PPP6R1: variants seen among roughly 807,000 people sequenced by gnomAD.
The protein encoded by PPP6R1 is serine/threonine-protein phosphatase 6 regulatory subunit 1.
A neutral mutation model predicts 104.6 loss-of-function variants in PPP6R1; 39 were observed. The ratio of observed to expected loss-of-function variants is 0.37; its 90% CI spans 0.29 to 0.49. PPP6R1 has a LOEUF of 0.49. Ranked by LOEUF, PPP6R1 falls within the 20% of genes least tolerant of loss-of-function variation. The pLI, the probability that PPP6R1 is intolerant of heterozygous loss-of-function variation, is 0.98. For synonymous variants in PPP6R1, 549 were observed against 479.0 expected, an observed-to-expected ratio of 1.15 and a Z score of -1.91; for missense variants, 1,181 against 1,155.8, an observed-to-expected ratio of 1.02 and a Z score of -0.32.
rs1452882413 is a variant in PPP6R1, at chr19:55,241,173, G to GA, written c.1161+65dup. ...CAGCCGAGCCCCCACCCCAGCCCCC[G>GA]AACCCTCAGCCCAGTCCAGTCCCCG... On this transcript the variant is annotated intron_variant, in intron 9 of 23. Transcript: ENST00000412770. The surrounding 1 kb of genome is among the most constrained non-coding windows in gnomAD (Gnocchi z 5.4). 1 of 230,086 alleles carries GA rather than the reference G, an allele frequency of 4.3e-6. No individual in the cohort carries two copies. Among genetic ancestry groups the GA allele is most frequent in the African/African-American group, 1.3e-4 (1 of 7,530 alleles). 14.3% of individuals were successfully genotyped at this position (230,086 alleles called of 1,614,324 possible).
rs2087324935 is a variant in PPP6R1, at chr19:55,230,023, C to T, written c.*505G>A. 1 of 155,830 alleles carries T rather than the reference C, an allele frequency of 6.4e-6. No individual in the cohort carries two copies. The highest frequency in any genetic ancestry group is 2.4e-5 in the African/African-American group (1 of 41,480). 9.7% of individuals were successfully genotyped at this position (155,830 alleles called of 1,614,324 possible). On this transcript the variant is annotated 3_prime_UTR_variant, in exon 24 of 24. Transcript: ENST00000412770. The stretch of plus-strand genomic sequence containing the variant: ...AGGCACGGCCCCCACTCGGGACCCT[C>T]TGGCACCCCCACCCACGCTGGGCCG...
chr19:55,235,336 C>T (rs1600105254), intron 17 of PPP6R1, among the ~76,000 whole-genome samples: 3 of 152,196 alleles, frequency 2.0e-5, no homozygotes, highest in East Asian at 3.9e-4. Flanking sequence ...ATCTTACCCC[C>T]CTTTCTAGGA....
At chr19:55,228,717 T>C (rs780706406), downstream of PPP6R1, 4 of 1,613,066 alleles carry the variant, frequency 2.5e-6, no homozygotes, top group African/African-American at 5.3e-5. Flanking sequence ...GTCTTCAGGG[T>C]CTGCCCCGCT....
chr19:55,246,811 G>A, intron 2 of PPP6R1, 66 bp downstream of exon 2: 2 of 1,358,786 alleles, frequency 1.5e-6, no homozygotes, highest in Non-Finnish European at 2.0e-6. Context: ...GTAGCTGTGA[G>A]GCTTGCGTAG....
chr19:55,246,054 C>A lies in PPP6R1; in HGVS notation c.228-376G>T, dbSNP rs150410544. Among the ~76,000 whole-genome samples, 1,285 of 152,320 alleles carry A rather than the reference C, an allele frequency of 8.4e-3. 17 individuals are homozygous for A. The highest frequency in any genetic ancestry group is 0.027 in the African/African-American group (1,133 of 41,558). On this transcript the variant is annotated intron_variant, in intron 2 of 23. Coordinates refer to ENST00000412770, the MANE Select transcript of PPP6R1 (RefSeq NM_014931.4). Reference sequence around the variant, plus strand: ...TCCTGGAACCTTGCTCAACTTCCAACCTCACCTCCTGCCTCCCTCCTCCAA... The same window carrying A: ...TCCTGGAACCTTGCTCAACTTCCAAACTCACCTCCTGCCTCCCTCCTCCAA...
chr19:55,257,967 C>T (rs999622017), intron 1 of PPP6R1, among the ~76,000 whole-genome samples: 2 of 152,244 alleles, frequency 1.3e-5, no homozygotes, highest in African/African-American at 4.8e-5. Flanking sequence ...AAAACAAGCC[C>T]CGCTCCTCCA....
chr19:55,229,680 G>A (rs553892664), downstream of PPP6R1: 3 of 152,290 alleles, frequency 2.0e-5, no homozygotes, highest in African/African-American at 7.2e-5. Context: ...AGGACAGTGT[G>A]GGGGCAGACT....
At chr19:55,255,188 G>C (rs1467928732) in intron 1 of PPP6R1, among the ~76,000 whole-genome samples, 1 of 152,220 alleles carries the variant, frequency 6.6e-6, no homozygotes. Flanking sequence ...TCCAACCCCA[G>C]AGGATGGAAT....
chr19:55,231,302 G>T, intron 21 of PPP6R1, 108 bp downstream of exon 21: 1 of 1,336,976 alleles, frequency 7.5e-7, no homozygotes, highest in Non-Finnish European at 1.0e-6. Flanking sequence ...TGGGGGTCCT[G>T]CAAAGGAGGC....
intron 15 of PPP6R1, among the ~76,000 whole-genome samples, chr19:55,237,568 G>A (rs1333174119): frequency 2.0e-5 from 3 of 152,166 alleles, no homozygotes; most frequent in Non-Finnish European, 4.4e-5. Flanking sequence ...CAGTTCAAGG[G>A]ATCATTTGTC....
Position 55,246,507 on chromosome 19 carries a change from C to CA in PPP6R1, c.227+369dup, listed in dbSNP as rs1402370882. 5.3e-5 allele frequency among the ~76,000 whole-genome samples: 8 copies of CA among 150,858 alleles called. No individual in the cohort carries two copies. In the East Asian group the frequency reaches 1.6e-3, roughly 29 times the overall value. On this transcript the variant is annotated intron_variant, in intron 2 of 23. Transcript: ENST00000412770. ...AGCAGACAAGTGTTTCACAAACATA[C>CA]AAAAAAAGTTTAATAAAAAGTAAAT...
At position 55,241,230 on chromosome 19, in the gene PPP6R1, T is replaced by C. The variant is rs1444268667; in HGVS notation, c.1161+9A>G. On this transcript the variant is annotated intron_variant, in intron 9 of 23. Coordinates refer to ENST00000412770, the MANE Select transcript of PPP6R1 (RefSeq NM_014931.4). The surrounding 1 kb of genome is among the most constrained non-coding windows in gnomAD (Gnocchi z 5.4). ...CCCCTGAACCCCCAGCCCGGTCCAG[T>C]CCCCGCACCAGCATGGTGTTGGGCA... 1 of 1,538,772 alleles carries C rather than the reference T, an allele frequency of 6.5e-7. No homozygotes were observed. Among genetic ancestry groups the C allele is most frequent in the South Asian group, 1.2e-5 (1 of 85,372 alleles).
chr19:55,254,398 G>C (rs539756091), intron 1 of PPP6R1, among the ~76,000 whole-genome samples: 85 of 152,306 alleles, frequency 5.6e-4, no homozygotes, highest in Non-Finnish European at 1.1e-3. Context: ...TGACTTAGCT[G>C]TGGTGTTTTA....
rs1280205076 is a variant in PPP6R1, at chr19:55,258,955, C to G, written c.-527G>C. The G allele has an allele frequency of 6.6e-6, 1 of 152,212 alleles. No homozygotes were observed. The highest frequency in any genetic ancestry group is 2.4e-5 in the African/African-American group (1 of 41,458). The allele number at this position is 152,212 out of a possible 1,614,324, so 9.4% of individuals were successfully genotyped here. On this transcript the variant is annotated 5_prime_UTR_variant, in exon 1 of 24. Coordinates refer to ENST00000412770, the MANE Select transcript of PPP6R1 (RefSeq NM_014931.4). ...CCCTTCCCCAAAGCCGCTCAATCTC[C>G]GGGCTCTGCGGCCGGCCTCAGGGCC...
At chr19:55,242,824 T>C (rs1226995327) in intron 5 of PPP6R1, among the ~76,000 whole-genome samples, 1 of 152,132 alleles carries the variant, frequency 6.6e-6, no homozygotes, top group African/African-American at 2.4e-5. Context: ...AGGAGAGTGC[T>C]AATCAGCCAG....
rs114363552 is a variant in PPP6R1, at chr19:55,257,954, G to A, written c.-7+481C>T. Among the ~76,000 whole-genome samples the A allele has an allele frequency of 6.0e-3, 913 of 152,362 alleles. 5 individuals carry two copies. Among genetic ancestry groups the A allele is most frequent in the African/African-American group, 0.021 (880 of 41,580 alleles). On this transcript the variant is annotated intron_variant, in intron 1 of 23. Coordinates refer to ENST00000412770, the MANE Select transcript of PPP6R1 (RefSeq NM_014931.4). ...CGGAGGCGGGAGAGGGTCGGTCAAGGTGAAAACAAGCCCCGCTCCTCCAGT... is the reference window on the plus strand; with the variant it reads ...CGGAGGCGGGAGAGGGTCGGTCAAGATGAAAACAAGCCCCGCTCCTCCAGT...
At chr19:55,231,111 CTCGA>C (rs1379942120) in intron 21 of PPP6R1, among the ~76,000 whole-genome samples, 2 of 152,152 alleles carry the variant, frequency 1.3e-5, no homozygotes, top group Non-Finnish European at 1.5e-5. Flanking sequence ...GGAGGAGGTA[CTCGA>C]GGCCGGCTGA....
At chr19:55,255,032 G>C (rs73053113) in intron 1 of PPP6R1, among the ~76,000 whole-genome samples, 15,573 of 152,244 alleles carry the variant, frequency 0.1, 1,004 homozygotes, top group African/African-American at 0.18. Flanking sequence ...AGAAGGGGGA[G>C]CGGCCCAAGG....
intron 5 of PPP6R1, among the ~76,000 whole-genome samples, chr19:55,243,264 T>C (rs2122642616): frequency 6.6e-6 from 1 of 151,760 alleles, no homozygotes; most frequent in African/African-American, 2.4e-5. Context: ...AATAAAAAAA[T>C]TAGCCAGGCG....
Sources: gnomAD v4.1 joint callset for allele counts (sites outside exome capture counted in the v4.1 genomes callset) on GRCh38, gnomAD v4.1.1 for gene constraint, Gnocchi (gnomAD v3.1) non-coding constraint, MANE v1.5 for transcripts, NCBI Gene and HGNC (gene_info 2026-07-23, HGNC 2026-07-21) for gene names.